The following ANK2 variants were observed in gnomAD, a reference collection of about 807,000 sequenced individuals.
The protein encoded by ANK2 is ankyrin 2.
In ANK2, 83 loss-of-function variants were observed where a neutral mutation model predicts 360.5. The ratio of observed to expected loss-of-function variants is 0.23; its 90% confidence interval spans 0.19 to 0.28. ANK2 has a LOEUF of 0.28. Ranked by LOEUF, ANK2 falls within the 10% of genes least tolerant of loss-of-function variation. ANK2 has a pLI of 1.00. For missense variants in ANK2, 4,201 were observed against 4,795.7 expected (o/e 0.88, Z 3.66); for synonymous variants, 1,740 against 1,759.5 (o/e 0.99, Z 0.28).
At chr4:113,106,459 A>G (rs2093637596) in intron 1 of ANK2, among the ~76,000 whole-genome samples, 2 of 152,318 alleles carry the variant, frequency 1.3e-5, no homozygotes, top group African/African-American at 4.8e-5. Context: ...CAGAAGGCCC[A>G]GAGAGGTGTG....
intron 41 of ANK2, among the ~76,000 whole-genome samples, chr4:113,365,477 A>G (rs1214169774): frequency 1.3e-5 from 2 of 151,866 alleles, no homozygotes; most frequent in Non-Finnish European, 1.5e-5. Flanking sequence ...GTATTTTTTT[A>G]TGCTACCTTA....
At chr4:112,839,870 T>C (rs1470323790) in intron 1 of ANK2, among the ~76,000 whole-genome samples, 1 of 152,234 alleles carries the variant, frequency 6.6e-6, no homozygotes, top group African/African-American at 2.4e-5. Context: ...GCCTTGCACA[T>C]TCTTTGTACC....
intron 2 of ANK2, 31 bp downstream of exon 2, chr4:113,174,548 G>A: frequency 6.8e-7 from 1 of 1,476,106 alleles, no homozygotes; most frequent in Non-Finnish European, 9.4e-7. Flanking sequence ...TCTGTGTTGT[G>A]CAACGAAGGA....
chr4:113,325,261 A>G (rs1323785463), intron 26 of ANK2, among the ~76,000 whole-genome samples: 1 of 152,226 alleles, frequency 6.6e-6, no homozygotes, highest in Non-Finnish European at 1.5e-5. Flanking sequence ...TAAAGCAAAA[A>G]TGATATATAT....
intron 2 of ANK2, among the ~76,000 whole-genome samples, chr4:112,949,875 G>A (rs1003511557): frequency 4.0e-5 from 6 of 151,696 alleles, no homozygotes; most frequent in African/African-American, 1.5e-4. Flanking sequence ...GAAATAATTT[G>A]CAAAAAGGGT....
rs558691061 is a variant in ANK2, at chr4:113,203,461, T to G, written c.384+4352T>G. ...CAAAAAAAAAAAAATACATCTTTAA[T>G]TTCTCCAAGATGGTAAACTTCTTGG... On this transcript the variant is annotated intron_variant, in intron 4 of 45. Transcript: ENST00000357077. 2.6e-5 allele frequency among the ~76,000 whole-genome samples: 4 copies of G among 152,232 alleles called. No homozygotes were observed. In the South Asian group the frequency reaches 8.3e-4, roughly 32 times the overall value.
At chr4:113,206,221 G>A (rs2098945860) in intron 4 of ANK2, among the ~76,000 whole-genome samples, 1 of 152,138 alleles carries the variant, frequency 6.6e-6, no homozygotes, top group African/African-American at 2.4e-5. Flanking sequence ...AAATGCATTA[G>A]TTAGTTTTCC....
chr4:113,366,553 G>A (rs998852302), intron 41 of ANK2, among the ~76,000 whole-genome samples: 5 of 151,816 alleles, frequency 3.3e-5, no homozygotes, highest in African/African-American at 9.7e-5. Context: ...GGTCCTGCAC[G>A]CCTGGCCTCC....
Position 113,232,009 on chromosome 4 carries a change from G to A in ANK2, c.385-152G>A, listed in dbSNP as rs376154882. 415 of 625,694 alleles carry A rather than the reference G, an allele frequency of 6.6e-4. 5 individuals are homozygous for A. Among genetic ancestry groups the A allele is most frequent in the South Asian group, 6.5e-3 (387 of 59,296 alleles). The allele number at this position is 625,694 out of a possible 1,614,324, so 38.8% of individuals were successfully genotyped here. On this transcript the variant is annotated intron_variant, in intron 4 of 45. Coordinates refer to ENST00000357077, the MANE Select transcript of ANK2 (RefSeq NM_001148.6). Reference sequence around the variant, plus strand: ...AATTGTGTATGGGGCTTGATTCACTGCGATTTTGTCTAGCTTTATAATGAT... The same window carrying A: ...AATTGTGTATGGGGCTTGATTCACTACGATTTTGTCTAGCTTTATAATGAT...
At chr4:112,894,841 A>G (rs750997172) in intron 1 of ANK2, among the ~76,000 whole-genome samples, 3 of 152,214 alleles carry the variant, frequency 2.0e-5, no homozygotes, top group Non-Finnish European at 4.4e-5. Flanking sequence ...ATGCTTTAGA[A>G]CAGCAGAGCT....
intron 24 of ANK2, chr4:113,317,440 G>A (rs1025172148): frequency 8.5e-6 from 4 of 468,368 alleles, no homozygotes; most frequent in Non-Finnish European, 1.2e-5. Flanking sequence ...AACATTTCTG[G>A]GAAGAAAATG....
At chr4:112,830,791 G>A (rs988713827) in intron 1 of ANK2, among the ~76,000 whole-genome samples, 2 of 152,164 alleles carry the variant, frequency 1.3e-5, no homozygotes, top group Non-Finnish European at 2.9e-5. Context: ...CCCTCTGCTT[G>A]CAGGGAGGTG....
intron 1 of ANK2, among the ~76,000 whole-genome samples, chr4:112,887,868 C>G (rs2150579544): frequency 6.6e-6 from 1 of 152,224 alleles, no homozygotes; most frequent in Admixed American, 6.5e-5. Flanking sequence ...ATTTTCCATT[C>G]TTGACACATA....
At chr4:113,049,188 G>T (rs954778004), upstream of ANK2, among the ~76,000 whole-genome samples, 1 of 152,174 alleles carries the variant, frequency 6.6e-6, no homozygotes, top group Non-Finnish European at 1.5e-5. Context: ...TTTAAACCAA[G>T]TGAATGACAT....
intron 1 of ANK2, among the ~76,000 whole-genome samples, chr4:113,076,755 C>A (rs983243299): frequency 2.7e-5 from 4 of 150,388 alleles, no homozygotes; most frequent in African/African-American, 9.8e-5. Flanking sequence ...GTGATAGTAC[C>A]ACTGTACTCC....
chr4:113,020,061 A>C (rs899185130), intron 2 of ANK2, among the ~76,000 whole-genome samples: 2 of 152,156 alleles, frequency 1.3e-5, no homozygotes, highest in African/African-American at 4.8e-5. Flanking sequence ...AATTTTGTTA[A>C]ATGCTTATCA....
At chr4:113,220,100 T>C (rs573813410) in intron 4 of ANK2, among the ~76,000 whole-genome samples, 3 of 152,332 alleles carry the variant, frequency 2.0e-5, no homozygotes, top group Non-Finnish European at 4.4e-5. Flanking sequence ...CTGGCTTTCC[T>C]TGTGGTCCTA....
intron 43 of ANK2, chr4:113,372,699 A>T: frequency 9.3e-7 from 1 of 1,080,650 alleles, no homozygotes; most frequent in Non-Finnish European, 1.4e-6. Flanking sequence ...ACCTGGATCA[A>T]TGAAGGCTTG....
rs375594801 is a variant in ANK2 at position 113,336,608 on chromosome 4, A to C, written c.3623A>C (p.Lys1208Thr). 2.0e-5 allele frequency: 33 copies of C among 1,614,056 alleles called. No individual in the cohort carries two copies. Among genetic ancestry groups the C allele is most frequent in the Non-Finnish European group, 2.5e-5 (29 of 1,180,034 alleles). The change falls in exon 31 of 46, where the codon AAG (lysine) becomes ACG (threonine). Residue 1208 changes from lysine to threonine, a missense_variant. This residue lies in a region of ANK2 where 1,268 missense variants were observed against 1,650.8 expected (regional missense o/e 0.77). Coordinates refer to ENST00000357077, the MANE Select transcript of ANK2 (RefSeq NM_001148.6). ...CCTATGCACAGTGAGCTGGTTAAGA[A>C]GATCCTAGGCAACAAAGCTACCTTC... ...AQPMHSELVK[K>T]ILGNKATFSP...
Sources: gnomAD v4.1 joint callset for allele counts (sites outside exome capture counted in the v4.1 genomes callset) on GRCh38, gnomAD v4.1.1 for gene constraint, gnomAD v4.1.1 regional missense constraint, MANE v1.5 for transcripts, NCBI Gene and HGNC (gene_info 2026-07-23, HGNC 2026-07-21) for gene names.